PITPNM3: variants seen among roughly 807,000 people sequenced by gnomAD.
The protein encoded by PITPNM3 is membrane-associated phosphatidylinositol transfer protein 3.
PITPNM3 carries 26 observed loss-of-function variants against 102.0 expected under a neutral mutation model. The observed-to-expected ratio is 0.25, with a 90% CI of 0.19 to 0.35. The LOEUF is 0.35. Among genes scored for constraint, PITPNM3 ranks in the 10% least tolerant of loss-of-function variants. The pLI is 1.00. For missense variants in PITPNM3, 1,083 were observed against 1,346.1 expected, an observed-to-expected ratio of 0.80 and a Z score of 3.06; for synonymous variants, 578 against 558.6, an observed-to-expected ratio of 1.03 and a Z score of -0.49.
Position 6,517,955 on chromosome 17 carries a change from CAAGAA to C in PITPNM3, c.226+7396_226+7400del. Among the ~76,000 whole-genome samples the C allele has an allele frequency of 6.6e-6, 1 of 152,000 alleles. No individual in the cohort carries two copies. Among genetic ancestry groups the C allele is most frequent in the East Asian group, 1.9e-4 (1 of 5,190 alleles). On this transcript the variant is annotated intron_variant, in intron 3 of 19. Coordinates refer to ENST00000262483, the MANE Select transcript of PITPNM3 (RefSeq NM_031220.4). This position sits in a 1 kb window ranked among gnomAD's most constrained non-coding sequence, Gnocchi z 4.1. ...GAAATTTGATGGTGTCAATAAAAAA[CAAGAA>C]AAGGGGAAGGAGAAAACTGTATTGA...
chr17:6,494,181 C>T (rs1906661244), intron 4 of PITPNM3, among the ~76,000 whole-genome samples: 2 of 152,164 alleles, frequency 1.3e-5, no homozygotes. Context: ...AGTGATTTCT[C>T]TCAAGATGTA....
chr17:6,485,549 A>T (rs73352231), intron 4 of PITPNM3, among the ~76,000 whole-genome samples: 27,837 of 152,128 alleles, frequency 0.18, 3,413 homozygotes, highest in East Asian at 0.38. Context: ...TTAAAAAAAA[A>T]ATATCTGTTT....
In PITPNM3 at chr17:6,470,392, C is replaced by G; in HGVS notation, c.1641G>C (p.Trp547Cys). The G allele has an allele frequency of 6.2e-7, 1 of 1,614,160 alleles. No individual in the cohort carries two copies. Among genetic ancestry groups the G allele is most frequent in the Non-Finnish European group, 8.5e-7 (1 of 1,180,020 alleles). Reference sequence around the variant, plus strand: ...GGGCATAGTCGATCCTCTTGCTTCCCCACCACTTGGCTGTGACTGTGGGTC... The same window carrying G: ...GGGCATAGTCGATCCTCTTGCTTCCGCACCACTTGGCTGTGACTGTGGGTC... ...VGASRITAKW[W>C]GSKRIDYALY... The change falls in exon 13 of 20, where the codon TGG becomes TGC. Residue 547 changes from tryptophan to cysteine, a missense_variant. Trp to Cys is a radical substitution (Grantham distance 215). Around this residue, in one of 5 missense-constraint regions of PITPNM3, gnomAD observed 410 missense variants for 638.4 expected, o/e 0.64. Transcript: ENST00000262483. This position sits in a 1 kb window ranked among gnomAD's most constrained non-coding sequence, Gnocchi z 4.8.
At chr17:6,525,301 C>G in intron 3 of PITPNM3, 55 bp downstream of exon 3, 1 of 1,503,334 alleles carries the variant, frequency 6.7e-7, no homozygotes. Flanking sequence ...CCCTACAGCC[C>G]CCCCTGCAAC....
intron 3 of PITPNM3, among the ~76,000 whole-genome samples, chr17:6,506,322 T>TTTTC (rs1352332562): frequency 1.3e-5 from 2 of 152,018 alleles, no homozygotes; most frequent in Non-Finnish European, 2.9e-5. Flanking sequence ...TGTTATGGTG[T>TTTTC]TTTCTTTCTT....
At chr17:6,486,344 G>GC (rs1157634420) in intron 4 of PITPNM3, among the ~76,000 whole-genome samples, 1 of 152,148 alleles carries the variant, frequency 6.6e-6, no homozygotes, top group African/African-American at 2.4e-5. Context: ...AGAGCCTGCT[G>GC]CTCCCCTCTA....
chr17:6,467,590 G>A (rs1904851396), intron 14 of PITPNM3, among the ~76,000 whole-genome samples: 1 of 152,082 alleles, frequency 6.6e-6, no homozygotes, highest in Admixed American at 6.6e-5. Flanking sequence ...CTGTTCTTGG[G>A]GTCCATGTCT....
Position 6,468,462 on chromosome 17 carries a change from A to C in PITPNM3, c.1774-121T>G. 5.3e-6 allele frequency: 5 copies of C among 944,582 alleles called. No homozygotes were observed. Among genetic ancestry groups the C allele is most frequent in the Non-Finnish European group, 8.6e-6 (5 of 583,620 alleles). 58.5% of individuals were successfully genotyped at this position (944,582 alleles called of 1,614,324 possible). A position where few individuals can be genotyped will look rare whatever the true frequency, so the allele number is the denominator to read the frequency against. Reference sequence around the variant, plus strand: ...CCTGCCCCTGCAACCCCCCAACCTCACAGCCTGGAACCGTCAGGAGGCCGC... The same window carrying C: ...CCTGCCCCTGCAACCCCCCAACCTCCCAGCCTGGAACCGTCAGGAGGCCGC... On this transcript the variant is annotated intron_variant, in intron 13 of 19. Coordinates refer to ENST00000262483, the MANE Select transcript of PITPNM3 (RefSeq NM_031220.4). This position sits in a 1 kb window ranked among gnomAD's most constrained non-coding sequence, Gnocchi z 5.2.
Position 6,477,208 on chromosome 17 carries a change from G to A in PITPNM3, c.906C>T (p.Thr302=). Residue 302 remains threonine, a synonymous_variant, in exon 9 of 20, where the codon ACC becomes ACT. Coordinates refer to ENST00000262483, the MANE Select transcript of PITPNM3 (RefSeq NM_031220.4). The part of the protein sequence containing the change: ...RKGSISSTQD[T]PVAVEEDCSL... ...TGCAATCTTCCTCCACCGCGACTGGGGTGTCCTTTGGGACCGAACAGGGGA... is the reference window on the plus strand; with the variant it reads ...TGCAATCTTCCTCCACCGCGACTGGAGTGTCCTTTGGGACCGAACAGGGGA... 1 of 1,614,018 alleles carries A rather than the reference G, an allele frequency of 6.2e-7. No individual in the cohort carries two copies. The highest frequency in any genetic ancestry group is 8.5e-7 in the Non-Finnish European group (1 of 1,179,982).
At position 6,457,466 on chromosome 17, in the gene PITPNM3, T is replaced by C. The variant is rs1914161901; in HGVS notation, c.2619+128A>G. 1.4e-6 allele frequency: 2 copies of C among 1,471,744 alleles called. No individual in the cohort carries two copies. The highest frequency in any genetic ancestry group is 1.8e-6 in the Non-Finnish European group (2 of 1,084,966). 91.2% of individuals were successfully genotyped at this position (1,471,744 alleles called of 1,614,324 possible). A position where few individuals can be genotyped will look rare whatever the true frequency, so the allele number is the denominator to read the frequency against. On this transcript the variant is annotated intron_variant, in intron 19 of 19. Transcript: ENST00000262483. This position sits in a 1 kb window ranked among gnomAD's most constrained non-coding sequence, Gnocchi z 4.7. ...CAAGGCAGGCACCCCGAAGTGTTTG[T>C]TGAATAAATGAATGAGCAAATGGGG... is the stretch of plus-strand genomic sequence containing the variant.
At chr17:6,516,393 C>T (rs539530912) in intron 3 of PITPNM3, among the ~76,000 whole-genome samples, 2 of 151,520 alleles carry the variant, frequency 1.3e-5, no homozygotes, top group South Asian at 4.2e-4. Flanking sequence ...GAAACCCCGT[C>T]TCTACTAAAA....
intron 10 of PITPNM3, chr17:6,473,097 A>G (rs1597369039): frequency 1.9e-6 from 1 of 518,418 alleles, no homozygotes; most frequent in Non-Finnish European, 3.5e-6. Flanking sequence ...CTTTGCTCAA[A>G]ACATCCCTTC....
At chr17:6,500,253 A>C (rs1235161719) in intron 4 of PITPNM3, among the ~76,000 whole-genome samples, 1 of 152,210 alleles carries the variant, frequency 6.6e-6, no homozygotes, top group Non-Finnish European at 1.5e-5. Flanking sequence ...TGAGTTTTCA[A>C]AAATCCAGTG....
At chr17:6,482,024 C>CTG (rs1905746331) in intron 6 of PITPNM3, among the ~76,000 whole-genome samples, 1 of 100,974 alleles carries the variant, frequency 9.9e-6, no homozygotes, top group Non-Finnish European at 1.9e-5. Flanking sequence ...CTCTCTCTCT[C>CTG]TCTCTCTCTC....
intron 19 of PITPNM3, among the ~76,000 whole-genome samples, chr17:6,455,893 G>A (rs1487803427): frequency 2.0e-5 from 3 of 151,694 alleles, no homozygotes; most frequent in Non-Finnish European, 2.9e-5. Flanking sequence ...CTTCTCCAAG[G>A]AACCCTGGGG....
At chr17:6,543,452 C>T (rs1403041780) in intron 1 of PITPNM3, among the ~76,000 whole-genome samples, 2 of 152,366 alleles carry the variant, frequency 1.3e-5, no homozygotes, top group African/African-American at 2.4e-5. Context: ...GCAGAGTCCT[C>T]AGGCGAAGGG....
In PITPNM3 at chr17:6,453,045, CCT is replaced by C. The variant is rs558119335; in HGVS notation, c.*2291_*2292del. 11 of 137,088 alleles carry C rather than the reference CCT, an allele frequency of 8.0e-5. No homozygotes were observed. Among genetic ancestry groups the C allele is most frequent in the African/African-American group, 7.9e-5 (3 of 38,044 alleles). The allele number at this position is 137,088 out of a possible 1,614,324, so 8.5% of individuals were successfully genotyped here. On this transcript the variant is annotated 3_prime_UTR_variant, in exon 20 of 20. Transcript: ENST00000262483. ...CTCTGCCTTCCTGTCTTTCTTTCTCCCTCTCTCTCTCTGCCTTCCTCTCTCTG... is the reference window on the plus strand; with the variant it reads ...CTCTGCCTTCCTGTCTTTCTTTCTCCCTCTCTCTCTGCCTTCCTCTCTCTG...
At chr17:6,545,470 C>A (rs1469007127) in intron 1 of PITPNM3, among the ~76,000 whole-genome samples, 1 of 152,050 alleles carries the variant, frequency 6.6e-6, no homozygotes, top group Non-Finnish European at 1.5e-5. Context: ...TCCCTCCCAT[C>A]GCAGGTCCCT....
chr17:6,535,924 C>T (rs1214331034), intron 2 of PITPNM3, among the ~76,000 whole-genome samples: 2 of 151,672 alleles, frequency 1.3e-5, no homozygotes, highest in East Asian at 1.9e-4. Flanking sequence ...ATTGGTCAGA[C>T]GTGGTGGCAC....
Sources: allele counts gnomAD v4.1 joint callset (sites outside exome capture counted in the v4.1 genomes callset), GRCh38; gene constraint gnomAD v4.1.1; regional missense constraint gnomAD v4.1.1; non-coding constraint Gnocchi (gnomAD v3.1); transcripts MANE v1.5; gene names NCBI Gene and HGNC (gene_info 2026-07-23, HGNC 2026-07-21).